The following TP53BP2 variants were observed in gnomAD, a reference collection of about 807,000 sequenced individuals.
The protein encoded by TP53BP2 is apoptosis-stimulating of p53 protein 2.
In TP53BP2, 62 loss-of-function variants were observed where a neutral mutation model predicts 126.2. The ratio of observed to expected loss-of-function variants is 0.49; its 90% CI spans 0.40 to 0.61. The LOEUF is 0.61. Among genes scored for constraint, TP53BP2 ranks in the 20% least tolerant of loss-of-function variants. The probability of loss-of-function intolerance (pLI) is 0.00; values close to 1 mark genes in which losing one functional copy is unlikely to be tolerated. For missense variants in TP53BP2, 1,215 were observed against 1,402.8 expected, an observed-to-expected ratio of 0.87 and a Z score of 2.14; for synonymous variants, 485 against 502.9, an observed-to-expected ratio of 0.96 and a Z score of 0.48.
chr1:223,821,172 T>G, intron 2 of TP53BP2, 48 bp downstream of exon 2: 1 of 1,612,286 alleles, frequency 6.2e-7, no homozygotes, highest in Non-Finnish European at 8.5e-7. Context: ...AAACCAACAT[T>G]AATAGAAGAC....
At chr1:223,802,504 A>G (rs1179981278) in intron 8 of TP53BP2, 160 bp from the exon 9 acceptor site, 1 of 833,934 alleles carries the variant, frequency 1.2e-6, no homozygotes, top group African/African-American at 1.7e-5. Flanking sequence ...TCCCCAATGA[A>G]CTCTCACCCA....
intron 1 of TP53BP2, among the ~76,000 whole-genome samples, chr1:223,841,357 T>A (rs1664098655): frequency 6.6e-6 from 1 of 152,306 alleles, no homozygotes; most frequent in Admixed American, 6.5e-5. Context: ...GAACCTCTCT[T>A]TAGGGACCTA....
chr1:223,813,864 C>T (rs1662995667), intron 3 of TP53BP2, among the ~76,000 whole-genome samples: 1 of 152,182 alleles, frequency 6.6e-6, no homozygotes, highest in Admixed American at 6.5e-5. Flanking sequence ...AATCCCTCAA[C>T]TTACTCCCAC....
At chr1:223,784,462 G>C in intron 16 of TP53BP2, 148 bp from the exon 17 acceptor site, 2 of 711,024 alleles carry the variant, frequency 2.8e-6, no homozygotes, top group Non-Finnish European at 4.7e-6. Context: ...AATGTCCTGA[G>C]GTGGGGGGTA....
chr1:223,796,604 G>GAAAA lies in TP53BP2; in HGVS notation c.1949-18_1949-15dup, dbSNP rs28364803. 7.1e-7 allele frequency: 1 copy of GAAAA among 1,417,242 alleles called. No homozygotes were observed. Among genetic ancestry groups the GAAAA allele is most frequent in the South Asian group, 1.5e-5 (1 of 68,200 alleles). 87.8% of individuals were successfully genotyped at this position (1,417,242 alleles called of 1,614,324 possible). A position where few individuals can be genotyped will look rare whatever the true frequency, so the allele number is the denominator to read the frequency against. ...GCTTACCATATACTAATTGGAAAAGGAAAAAAAAAAGCCCTCATTAGCATT... is the reference window on the plus strand; with the variant it reads ...GCTTACCATATACTAATTGGAAAAGGAAAAAAAAAAAAAAGCCCTCATTAGCATT... On this transcript the variant is annotated splice_polypyrimidine_tract_variant and intron_variant, in intron 12 of 17. Transcript: ENST00000343537. This position sits in a 1 kb window ranked among gnomAD's most constrained non-coding sequence, Gnocchi z 4.2.
intron 15 of TP53BP2, among the ~76,000 whole-genome samples, chr1:223,789,773 G>A (rs1000372218): frequency 6.6e-6 from 1 of 152,034 alleles, no homozygotes; most frequent in African/African-American, 2.4e-5. Context: ...CTGGTCAGCA[G>A]GAATTTATTA....
At chr1:223,822,164 T>A (rs1663335488) in intron 1 of TP53BP2, among the ~76,000 whole-genome samples, 1 of 152,162 alleles carries the variant, frequency 6.6e-6, no homozygotes, top group African/African-American at 2.4e-5. Context: ...TCCACCCACC[T>A]CGGCCTCCCA....
intron 1 of TP53BP2, among the ~76,000 whole-genome samples, chr1:223,823,818 T>G (rs1571868371): frequency 6.6e-6 from 1 of 152,216 alleles, no homozygotes; most frequent in Admixed American, 6.5e-5. Flanking sequence ...TCCCTACCGA[T>G]GCAAAAACTT....
chr1:223,795,769 A>G (rs755267483), intron 13 of TP53BP2, 46 bp downstream of exon 13: 29 of 1,394,588 alleles, frequency 2.1e-5, no homozygotes, highest in Non-Finnish European at 1.9e-6. Flanking sequence ...AAATCGTAAC[A>G]AAGTAAAGGA....
intron 5 of TP53BP2, among the ~76,000 whole-genome samples, 190 bp from the exon 6 acceptor site, chr1:223,804,538 C>A (rs755849918): frequency 6.6e-6 from 1 of 152,126 alleles, no homozygotes; most frequent in Non-Finnish European, 1.5e-5. Context: ...ACTCCTGAGC[C>A]CACCCTAGAA....
intron 5 of TP53BP2, among the ~76,000 whole-genome samples, chr1:223,805,823 C>T (rs1662694787): frequency 6.6e-6 from 1 of 152,172 alleles, no homozygotes. Context: ...TTTATTGGGA[C>T]ACAACCACAC....
chr1:223,798,941 G>A (rs185144495), intron 11 of TP53BP2, among the ~76,000 whole-genome samples: 3 of 152,028 alleles, frequency 2.0e-5, no homozygotes, highest in Non-Finnish European at 2.9e-5. Context: ...GCATGGTGGC[G>A]GGCGCCTGTA....
At chr1:223,799,762 C>T in intron 11 of TP53BP2, 137 bp downstream of exon 11, 1 of 781,130 alleles carries the variant, frequency 1.3e-6, no homozygotes, top group South Asian at 3.8e-5. Context: ...ATTAAAATAA[C>T]AGAATGCTAA....
intron 16 of TP53BP2, among the ~76,000 whole-genome samples, chr1:223,786,904 C>CT (rs1035566986): frequency 6.7e-6 from 1 of 149,610 alleles, no homozygotes; most frequent in Non-Finnish European, 1.5e-5. Flanking sequence ...CCGCGCCCGG[C>CT]TTTTTTTGTG....
Position 223,821,376 on chromosome 1 carries a change from T to A in TP53BP2, c.28-9A>T, listed in dbSNP as rs760672374. 6.2e-7 allele frequency: 1 copy of A among 1,614,004 alleles called. No individual in the cohort carries two copies. The highest frequency in any genetic ancestry group is 2.2e-5 in the East Asian group (1 of 44,886). The stretch of plus-strand genomic sequence containing the variant: ...TACACGGTAAGAAACATCTAAAAAT[T>A]AAGAGAGAAACACATGGTTACTGGT... On this transcript the variant is annotated splice_polypyrimidine_tract_variant and intron_variant, in intron 1 of 17. Transcript: ENST00000343537.
intron 16 of TP53BP2, among the ~76,000 whole-genome samples, chr1:223,785,581 G>C (rs957656327): frequency 6.6e-6 from 1 of 152,158 alleles, no homozygotes; most frequent in African/African-American, 2.4e-5. Context: ...ATAAATTAGG[G>C]ACCAGGGTCT....
chr1:223,845,774 G>A lies in TP53BP2; in HGVS notation c.-94C>T. On this transcript the variant is annotated 5_prime_UTR_variant, in exon 1 of 18. Coordinates refer to ENST00000343537, the MANE Select transcript of TP53BP2 (RefSeq NM_001031685.3). ...GGGGAGCGGAGAGCGAGGCCGCCCG[G>A]ACCTGTTGCGAGGCGGCGGCGGCGG... The A allele has an allele frequency of 7.3e-6, 9 of 1,231,574 alleles. No individual in the cohort carries two copies. In the South Asian group the frequency reaches 2.4e-4, roughly 33 times the overall value. 76.3% of individuals were successfully genotyped at this position (1,231,574 alleles called of 1,614,324 possible).
intron 1 of TP53BP2, among the ~76,000 whole-genome samples, chr1:223,839,680 C>G (rs1016162513): frequency 2.0e-5 from 3 of 152,170 alleles, no homozygotes; most frequent in Non-Finnish European, 2.9e-5. Context: ...TGGCTCACGC[C>G]TGTAATCCCA....
At chr1:223,791,263 CAAAAAT>C (rs147902746) in intron 15 of TP53BP2, among the ~76,000 whole-genome samples, 23,881 of 150,872 alleles carry the variant, frequency 0.16, 2,883 homozygotes, top group African/African-American at 0.33. Context: ...CCTGTCTCTA[CAAAAAT>C]AAAAATAAAA....
Sources: allele counts gnomAD v4.1 joint callset (sites outside exome capture counted in the v4.1 genomes callset), GRCh38; gene constraint gnomAD v4.1.1; non-coding constraint Gnocchi (gnomAD v3.1); transcripts MANE v1.5; gene names NCBI Gene and HGNC (gene_info 2026-07-23, HGNC 2026-07-21).